Variants in ELAC1 observed in about 807,000 individuals in gnomAD.
The protein encoded by ELAC1 is elaC ribonuclease Z 1, also known as zinc phosphodiesterase ELAC protein 1.
In ELAC1, 19 loss-of-function variants were observed where a neutral mutation model predicts 25.8. The observed-to-expected ratio is 0.74, with a 90% CI of 0.51 to 1.08. ELAC1 has a LOEUF of 1.08. ELAC1 is among the 50% of genes least tolerant of loss of function. The pLI is 0.00. For missense variants in ELAC1, 403 were observed against 434.6 expected (o/e 0.93, Z 0.65); for synonymous variants, 148 against 160.9 (o/e 0.92, Z 0.61).
chr18:50,972,453 G>T (rs1907692800), intron 1 of ELAC1, among the ~76,000 whole-genome samples: 1 of 151,744 alleles, frequency 6.6e-6, no homozygotes, highest in African/African-American at 2.4e-5. Context: ...CTCTATTTTT[G>T]TGCCAATATT....
intron 2 of ELAC1, among the ~76,000 whole-genome samples, chr18:50,975,198 AACTTT>A (rs1456853658): frequency 6.6e-6 from 1 of 152,070 alleles, no homozygotes; most frequent in African/African-American, 2.4e-5. Context: ...AGCAAACTTC[AACTTT>A]ACTTTCCCGA....
chr18:50,983,869 C>A (rs1285949687), intron 2 of ELAC1, among the ~76,000 whole-genome samples: 4 of 151,112 alleles, frequency 2.6e-5, no homozygotes, highest in South Asian at 4.2e-4. Flanking sequence ...AAAAAAAAAA[C>A]TATTAAAAAC....
chr18:50,980,581 G>A (rs1446271106), intron 2 of ELAC1, among the ~76,000 whole-genome samples: 1 of 151,830 alleles, frequency 6.6e-6, no homozygotes, highest in Non-Finnish European at 1.5e-5. Context: ...TGGCCAACAT[G>A]GTGAAACCCC....
chr18:50,971,170 T>C (rs1907640695), intron 1 of ELAC1, among the ~76,000 whole-genome samples: 1 of 152,210 alleles, frequency 6.6e-6, no homozygotes, highest in Admixed American at 6.5e-5. Context: ...TTTGGGTAGA[T>C]TACCAAAAAT....
At chr18:50,980,547 G>A (rs540041607) in intron 2 of ELAC1, among the ~76,000 whole-genome samples, 13 of 151,830 alleles carry the variant, frequency 8.6e-5, no homozygotes, top group Non-Finnish European at 1.8e-4. Flanking sequence ...GGTGGATCAC[G>A]AGGTCAGGAG....
chr18:50,986,572 C>T, intron 3 of ELAC1, 47 bp from the exon 4 acceptor site: 1 of 1,441,312 alleles, frequency 6.9e-7, no homozygotes, highest in Non-Finnish European at 9.5e-7. Context: ...CTTGAAAAGT[C>T]ATAAATTCCA....
chr18:50,976,724 C>T (rs914581641), intron 2 of ELAC1, among the ~76,000 whole-genome samples: 1 of 152,154 alleles, frequency 6.6e-6, no homozygotes, highest in Non-Finnish European at 1.5e-5. Flanking sequence ...AATAGTCCCC[C>T]AAAGTCTTAA....
intron 1 of ELAC1, among the ~76,000 whole-genome samples, chr18:50,973,843 A>C (rs1195577875): frequency 6.6e-6 from 1 of 152,216 alleles, no homozygotes; most frequent in African/African-American, 2.4e-5. Context: ...TCATGAAAAA[A>C]AAATGAAAAA....
At chr18:50,985,266 C>A (rs539369283) in intron 3 of ELAC1, among the ~76,000 whole-genome samples, 1 of 152,252 alleles carries the variant, frequency 6.6e-6, no homozygotes, top group South Asian at 2.1e-4. Context: ...TTTTTGCCAT[C>A]GTTCTTAACC....
intron 3 of ELAC1, among the ~76,000 whole-genome samples, chr18:50,985,452 G>T (rs539982401): frequency 2.8e-4 from 42 of 152,198 alleles, no homozygotes; most frequent in Non-Finnish European, 5.4e-4. Flanking sequence ...CCCATCTAAG[G>T]CTTCACACCT....
rs1908046441 is a variant in ELAC1 at position 50,984,441 on chromosome 18, T to G, written c.503T>G (p.Phe168Cys). ...LDSEENSYLL[F>C]DDEQFVVKAF... ...TCAGAAGAAAACTCATACCTTCTGT[T>G]TGATGATGAACAATTTGTTGTAAAA... is the stretch of plus-strand genomic sequence containing the variant. Residue 168 changes from phenylalanine (F) to cysteine (C), a missense_variant, in exon 3 of 4, where the codon TTT becomes TGT. Phe to Cys is a radical substitution (Grantham distance 205). Transcript: ENST00000269466. The G allele has an allele frequency of 1.9e-6, 3 of 1,614,098 alleles. No homozygotes were observed. The highest frequency in any genetic ancestry group is 2.5e-6 in the Non-Finnish European group (3 of 1,179,914).
chr18:50,968,141 G>C lies in ELAC1; in HGVS notation c.-9+27G>C, dbSNP rs533269631. 83 of 152,288 alleles carry C rather than the reference G, an allele frequency of 5.5e-4. No homozygotes were observed. In the East Asian group the frequency reaches 0.015, roughly 28 times the overall value. The allele number at this position is 152,288 out of a possible 1,614,324, so 9.4% of individuals were successfully genotyped here. Reference sequence around the variant, plus strand: ...TGAGTGCGGTAGGGCATACCAGAGGGGGGCGGGCGCGCTTCCTCGGGACTC... The same window carrying C: ...TGAGTGCGGTAGGGCATACCAGAGGCGGGCGGGCGCGCTTCCTCGGGACTC... On this transcript the variant is annotated intron_variant, in intron 1 of 3. Coordinates refer to ENST00000269466, the MANE Select transcript of ELAC1 (RefSeq NM_018696.3).
At chr18:50,969,250 T>G (rs1907585681) in intron 1 of ELAC1, 2 of 152,246 alleles carry the variant, frequency 1.3e-5, no homozygotes, top group Non-Finnish European at 2.9e-5. Context: ...CTCTTGCTCT[T>G]TATTTTGTTC....
intron 2 of ELAC1, among the ~76,000 whole-genome samples, chr18:50,979,856 A>C (rs1371484595): frequency 6.6e-6 from 1 of 152,006 alleles, no homozygotes; most frequent in African/African-American, 2.4e-5. Context: ...CCTCCTGAGT[A>C]GCTGAGATTA....
intron 1 of ELAC1, among the ~76,000 whole-genome samples, chr18:50,973,361 A>T (rs1907712775): frequency 1.3e-5 from 2 of 152,216 alleles, no homozygotes; most frequent in Admixed American, 1.3e-4. Context: ...GAAGTATATC[A>T]GTGATGTCAG....
intron 1 of ELAC1, among the ~76,000 whole-genome samples, chr18:50,971,906 GTGTGTGTATATATATATATATA>G (rs1349679202): frequency 3.7e-5 from 4 of 108,464 alleles, no homozygotes; most frequent in Non-Finnish European, 7.6e-5. Flanking sequence ...ATGTGTGTGT[GTGTGTGTATATATATATATATA>G]TATATATATA....
intron 1 of ELAC1, chr18:50,969,969 C>G (rs994464262): frequency 6.6e-6 from 1 of 152,192 alleles, no homozygotes; most frequent in Non-Finnish European, 1.5e-5. Flanking sequence ...ATGTTAGGAT[C>G]ACAGGAGAAG....
intron 2 of ELAC1, among the ~76,000 whole-genome samples, chr18:50,975,351 C>T (rs1354863631): frequency 6.6e-6 from 1 of 152,008 alleles, no homozygotes; most frequent in Non-Finnish European, 1.5e-5. Flanking sequence ...TTTCCCAAAT[C>T]CTCCTGGATT....
chr18:50,982,284 T>C (rs1408500161), intron 2 of ELAC1, among the ~76,000 whole-genome samples: 1 of 152,208 alleles, frequency 6.6e-6, no homozygotes, highest in Non-Finnish European at 1.5e-5. Flanking sequence ...AGGAAACTTC[T>C]AGAGTGCCTC....
Sources: allele counts gnomAD v4.1 joint callset (sites outside exome capture counted in the v4.1 genomes callset), GRCh38; gene constraint gnomAD v4.1.1; transcripts MANE v1.5; gene names NCBI Gene and HGNC (gene_info 2026-07-23, HGNC 2026-07-21).